LRMDA: variants seen among roughly 807,000 people sequenced by gnomAD.
LRMDA encodes the protein leucine rich melanocyte differentiation associated.
A neutral mutation model predicts 29.8 loss-of-function variants in LRMDA; 18 were observed. The ratio of observed to expected loss-of-function variants is 0.60; its 90% confidence interval spans 0.42 to 0.90. The LOEUF is 0.90. Ranked by LOEUF, LRMDA falls within the 40% of genes least tolerant of loss-of-function variation. LRMDA has a pLI of 0.00. For missense variants in LRMDA, 273 were observed against 273.9 expected, an observed-to-expected ratio of 1.00 and a Z score of 0.02; for synonymous variants, 125 against 109.4, an observed-to-expected ratio of 1.14 and a Z score of -0.89.
chr10:75,520,729 G>A (rs1057038387), intron 2 of LRMDA, among the ~76,000 whole-genome samples: 22 of 152,154 alleles, frequency 1.4e-4, no homozygotes, highest in Admixed American at 1.1e-3. Context: ...TGTTGCTGGC[G>A]AGGAGCTGTG....
At chr10:75,861,714 T>G (rs1844933469) in intron 2 of LRMDA, among the ~76,000 whole-genome samples, 1 of 152,306 alleles carries the variant, frequency 6.6e-6, no homozygotes, top group South Asian at 2.1e-4. Context: ...AAGGTGCTAG[T>G]TATGGTGGAT....
At chr10:75,750,279 G>T (rs529589992) in intron 2 of LRMDA, among the ~76,000 whole-genome samples, 6 of 151,668 alleles carry the variant, frequency 4.0e-5, no homozygotes, top group Non-Finnish European at 8.8e-5. Flanking sequence ...CCCCGCCGGG[G>T]CGGCTGGCCG....
At chr10:76,256,851 A>C (rs1564702289) in intron 5 of LRMDA, among the ~76,000 whole-genome samples, 2 of 152,170 alleles carry the variant, frequency 1.3e-5, no homozygotes, top group Non-Finnish European at 2.9e-5. Context: ...GTAAATTCAC[A>C]GTGGTTTGGA....
chr10:75,655,403 A>G (rs1377689775), intron 2 of LRMDA, among the ~76,000 whole-genome samples: 1 of 152,220 alleles, frequency 6.6e-6, no homozygotes, highest in East Asian at 1.9e-4. Context: ...TCCTGTTGGG[A>G]TTGCCAGTTC....
intron 2 of LRMDA, among the ~76,000 whole-genome samples, chr10:75,579,209 A>C (rs1840553686): frequency 6.6e-6 from 1 of 152,240 alleles, no homozygotes; most frequent in Non-Finnish European, 1.5e-5. Flanking sequence ...AGAAGAATCA[A>C]ATAGATGCAA....
chr10:76,213,736 C>G (rs1168181961), intron 5 of LRMDA, among the ~76,000 whole-genome samples: 1 of 152,184 alleles, frequency 6.6e-6, no homozygotes, highest in Non-Finnish European at 1.5e-5. Flanking sequence ...GGAAATAGTT[C>G]TACTCCCTCC....
chr10:75,479,100 T>A (rs1318287281), intron 2 of LRMDA, among the ~76,000 whole-genome samples: 2 of 152,166 alleles, frequency 1.3e-5, no homozygotes, highest in Admixed American at 6.5e-5. Context: ...CAACAGAAAA[T>A]GTTCCTGCCT....
intron 2 of LRMDA, among the ~76,000 whole-genome samples, chr10:75,784,681 G>A (rs1326641854): frequency 4.0e-5 from 6 of 148,766 alleles, no homozygotes; most frequent in African/African-American, 1.5e-4. Flanking sequence ...ACAGCCTGGC[G>A]ACAGAGCGAG....
At chr10:75,967,764 G>A (rs1172439370) in intron 2 of LRMDA, among the ~76,000 whole-genome samples, 2 of 152,020 alleles carry the variant, frequency 1.3e-5, no homozygotes, top group African/African-American at 2.4e-5. Context: ...GAGGAGGGAG[G>A]CGGCGGGCAG....
In LRMDA at chr10:76,225,370, C is replaced by T. The variant is rs192492004; in HGVS notation, c.517-99031C>T. Among the ~76,000 whole-genome samples the T allele has an allele frequency of 1.5e-3, 228 of 151,742 alleles. 1 individual carries two copies. The highest frequency in any genetic ancestry group is 2.9e-3 in the Non-Finnish European group (194 of 67,946). On this transcript the variant is annotated intron_variant, in intron 5 of 6. Coordinates refer to ENST00000611255, the MANE Select transcript of LRMDA (RefSeq NM_001305581.2). ...AGGTTTCAGTGAGCTGACGATGACA[C>T]GATGCCACCGCACTCCAGCCTCAGT...
intron 2 of LRMDA, among the ~76,000 whole-genome samples, chr10:75,857,603 A>G (rs535302891): frequency 6.6e-6 from 1 of 152,338 alleles, no homozygotes; most frequent in South Asian, 2.1e-4. Flanking sequence ...ATGTAATATA[A>G]TGGTGAAAGT....
intron 6 of LRMDA, among the ~76,000 whole-genome samples, chr10:76,339,044 A>G (rs931923817): frequency 6.6e-6 from 1 of 152,204 alleles, no homozygotes. Flanking sequence ...CACATCTCCT[A>G]TGAAAATGAC....
rs1050856419 is a variant in LRMDA at position 75,950,707 on chromosome 10, C to A, written c.132-85301C>A. 3.9e-5 allele frequency among the ~76,000 whole-genome samples: 6 copies of A among 152,272 alleles called. No individual in the cohort carries two copies. The South Asian group carries it at 6.2e-4, about 16-fold the overall frequency. On this transcript the variant is annotated intron_variant, in intron 2 of 6. Transcript: ENST00000611255. The stretch of plus-strand genomic sequence containing the variant: ...GTGCACACCTACTAGCTGGTAAGTC[C>A]CTTGAAGTCCAGGGCCCTATGGTGC...
chr10:75,740,160 C>T (rs562788440), intron 2 of LRMDA, among the ~76,000 whole-genome samples: 3 of 152,306 alleles, frequency 2.0e-5, no homozygotes, highest in South Asian at 4.1e-4. Flanking sequence ...TAAATGCGTG[C>T]TTTTAGAATA....
chr10:76,374,354 C>A (rs982588710), intron 6 of LRMDA, among the ~76,000 whole-genome samples: 1 of 152,240 alleles, frequency 6.6e-6, no homozygotes, highest in South Asian at 2.1e-4. Flanking sequence ...CCAATGCCAG[C>A]ATCCTAGAAA....
intron 5 of LRMDA, among the ~76,000 whole-genome samples, chr10:76,203,797 C>T (rs941415771): frequency 6.7e-6 from 1 of 149,834 alleles, no homozygotes; most frequent in African/African-American, 2.5e-5. Flanking sequence ...TGCCCATCCA[C>T]CCATCTCTAT....
At chr10:76,005,916 G>A (rs938968632) in intron 2 of LRMDA, among the ~76,000 whole-genome samples, 6 of 142,890 alleles carry the variant, frequency 4.2e-5, no homozygotes, top group South Asian at 4.6e-4. Flanking sequence ...GGTGCAGTGC[G>A]AGACTCCATC....
chr10:76,153,769 A>G (rs1051020554), intron 5 of LRMDA, among the ~76,000 whole-genome samples: 3 of 152,220 alleles, frequency 2.0e-5, no homozygotes, highest in Non-Finnish European at 4.4e-5. Flanking sequence ...CCTGGGATAT[A>G]ACCTTGGCAA....
intron 5 of LRMDA, among the ~76,000 whole-genome samples, chr10:76,104,008 A>G (rs1334401188): frequency 6.6e-6 from 1 of 151,748 alleles, no homozygotes; most frequent in African/African-American, 2.4e-5. Context: ...AGATCATGCC[A>G]CTGCACTCCA....
Sources: allele counts gnomAD v4.1 joint callset (sites outside exome capture counted in the v4.1 genomes callset), GRCh38; gene constraint gnomAD v4.1.1; transcripts MANE v1.5; gene names NCBI Gene and HGNC (gene_info 2026-07-23, HGNC 2026-07-21).